The following C4orf36 variants were observed in gnomAD, a reference collection of about 807,000 sequenced individuals.
C4orf36 encodes chromosome 4 open reading frame 36.
In C4orf36, 11 loss-of-function variants were observed where a neutral mutation model predicts 12.2. That is an observed-to-expected ratio of 0.90 (90% CI 0.57 to 1.49). C4orf36 has a LOEUF of 1.49. Ranked by LOEUF, C4orf36 falls within the 40% of genes most tolerant of loss-of-function variation. The pLI, the probability that C4orf36 is intolerant of heterozygous loss-of-function variation, is 0.00. For missense variants in C4orf36, 137 were observed against 133.9 expected, an observed-to-expected ratio of 1.02 and a Z score of -0.11; for synonymous variants, 54 against 51.3, an observed-to-expected ratio of 1.05 and a Z score of -0.22.
intron 4 of C4orf36, chr4:86,887,463 A>G (rs929705502): frequency 7.5e-6 from 2 of 268,400 alleles, no homozygotes; most frequent in African/African-American, 4.4e-5. Flanking sequence ...AGCTGAAGAA[A>G]TTTCCTCTTC....
intron 4 of C4orf36, among the ~76,000 whole-genome samples, chr4:86,884,661 G>A (rs1057287369): frequency 1.3e-5 from 2 of 152,032 alleles, no homozygotes; most frequent in African/African-American, 4.8e-5. Context: ...CTACTTTAAA[G>A]CACCACATGT....
At chr4:86,886,327 G>A (rs1389127094) in intron 4 of C4orf36, 1 of 152,102 alleles carries the variant, frequency 6.6e-6, no homozygotes, top group African/African-American at 2.4e-5. Flanking sequence ...GAGTGAACAG[G>A]CAACCTACAG....
intron 2 of C4orf36, chr4:86,890,069 G>A (rs774793650): frequency 2.2e-6 from 1 of 454,722 alleles, no homozygotes; most frequent in South Asian, 1.6e-5. Flanking sequence ...GTGTGTGCCT[G>A]TGGTCCCAGC....
intron 4 of C4orf36, chr4:86,886,583 G>A (rs1167275907): frequency 1.3e-5 from 2 of 152,228 alleles, no homozygotes; most frequent in African/African-American, 4.8e-5. Context: ...ACACCAGTTA[G>A]AATGAGGATC....
chr4:86,929,784 A>C, the C4orf36 span, among the ~76,000 whole-genome samples: 1 of 152,252 alleles, frequency 6.6e-6, no homozygotes, highest in East Asian at 1.9e-4. Context: ...AAAAGGGAAG[A>C]AAACTCATAA....
chr4:86,929,196 C>G, the C4orf36 span, among the ~76,000 whole-genome samples: 1 of 152,132 alleles, frequency 6.6e-6, no homozygotes, highest in Admixed American at 6.6e-5. Context: ...GTTGGACTTG[C>G]GGCATGTTTT....
chr4:86,903,932 G>C, the C4orf36 span, among the ~76,000 whole-genome samples: 2 of 152,132 alleles, frequency 1.3e-5, no homozygotes, highest in Non-Finnish European at 2.9e-5. Flanking sequence ...TGATTGGTGC[G>C]TTTACAAACC....
chr4:86,899,015 CAGG>C, the C4orf36 span, among the ~76,000 whole-genome samples: 1 of 152,108 alleles, frequency 6.6e-6, no homozygotes, highest in African/African-American at 2.4e-5. Flanking sequence ...CACTTGAGCC[CAGG>C]AGGTCAAGGC....
At chr4:86,931,077 A>G in the C4orf36 span, among the ~76,000 whole-genome samples, 6 of 152,336 alleles carry the variant, frequency 3.9e-5, no homozygotes, top group African/African-American at 1.4e-4. Flanking sequence ...CTAAAATGCC[A>G]CATGATCAAA....
At chr4:86,920,201 A>G in the C4orf36 span, among the ~76,000 whole-genome samples, 6 of 152,160 alleles carry the variant, frequency 3.9e-5, no homozygotes, top group African/African-American at 1.4e-4. Context: ...TTTTCCATGT[A>G]AGACCTCATC....
rs1747231709 is a variant in C4orf36 at position 86,887,759 on chromosome 4, G to A, written c.*1C>T. On this transcript the variant is annotated splice_region_variant and 3_prime_UTR_variant, in exon 4 of 5. Transcript: ENST00000295898. ...GTACAGATTCAATCATGAACTGACT[G>A]TCATTTAGATGGAAGAGGTCTTCTC... 5 of 1,614,112 alleles carry A rather than the reference G, an allele frequency of 3.1e-6. No individual in the cohort carries two copies. The highest frequency in any genetic ancestry group is 1.3e-5 in the African/African-American group (1 of 74,948).
the C4orf36 span, among the ~76,000 whole-genome samples, chr4:86,903,567 C>G: frequency 6.6e-6 from 1 of 152,212 alleles, no homozygotes; most frequent in Non-Finnish European, 1.5e-5. Flanking sequence ...GTGAGTGTTA[C>G]AGCTCCTAAA....
At chr4:86,892,887 G>T (rs571941481), upstream of C4orf36, among the ~76,000 whole-genome samples, 3 of 152,254 alleles carry the variant, frequency 2.0e-5, no homozygotes, top group Admixed American at 6.5e-5. Context: ...TACATCAGAT[G>T]GCCACCCCTT....
At chr4:86,929,581 G>C in the C4orf36 span, among the ~76,000 whole-genome samples, 2 of 152,080 alleles carry the variant, frequency 1.3e-5, no homozygotes, top group South Asian at 2.1e-4. Context: ...CCACACTCAA[G>C]GAGAGGAAAT....
chr4:86,887,405 C>T (rs1747220015), intron 4 of C4orf36: 1 of 182,886 alleles, frequency 5.5e-6, no homozygotes, highest in African/African-American at 2.3e-5. Context: ...TTGGTCCCTC[C>T]TTGGGATCTC....
At chr4:86,911,783 C>CTCAAGTGA in the C4orf36 span, among the ~76,000 whole-genome samples, 33 of 151,978 alleles carry the variant, frequency 2.2e-4, no homozygotes, top group African/African-American at 7.7e-4. Context: ...ACCTTCTGGG[C>CTCAAGTGA]TCAAGTGATC....
intron 4 of C4orf36, among the ~76,000 whole-genome samples, chr4:86,878,849 A>C (rs753919859): frequency 6.6e-6 from 1 of 152,206 alleles, no homozygotes; most frequent in Non-Finnish European, 1.5e-5. Flanking sequence ...GTAGTACCAC[A>C]GACAGACACC....
chr4:86,893,686 GC>G (rs1560475372), upstream of C4orf36, among the ~76,000 whole-genome samples: 3 of 151,856 alleles, frequency 2.0e-5, no homozygotes, highest in Non-Finnish European at 4.4e-5. Context: ...TTTCAAAGGT[GC>G]TTTTGTGCCT....
At chr4:86,930,667 A>G in the C4orf36 span, among the ~76,000 whole-genome samples, 9 of 152,342 alleles carry the variant, frequency 5.9e-5, no homozygotes, top group Admixed American at 5.2e-4. Context: ...TTAAATGTGA[A>G]ATCAGTTGAA....
Sources: allele counts gnomAD v4.1 joint callset (sites outside exome capture counted in the v4.1 genomes callset), GRCh38; gene constraint gnomAD v4.1.1; transcripts MANE v1.5; gene names NCBI Gene and HGNC (gene_info 2026-07-23, HGNC 2026-07-21).